The following GALNT18 variants were observed in gnomAD, a reference collection of about 807,000 sequenced individuals.
The protein encoded by GALNT18 is polypeptide N-acetylgalactosaminyltransferase 18.
A neutral mutation model predicts 69.5 loss-of-function variants in GALNT18; 44 were observed. The observed-to-expected ratio is 0.63, with a 90% CI of 0.50 to 0.81. The LOEUF is 0.81. Among genes scored for constraint, GALNT18 ranks in the 40% least tolerant of loss-of-function variants. The probability of loss-of-function intolerance (pLI) is 0.00; values close to 1 mark genes in which losing one functional copy is unlikely to be tolerated. For synonymous variants in GALNT18, 364 were observed against 318.2 expected (o/e 1.14, Z -1.53); for missense variants, 715 against 810.0 (o/e 0.88, Z 1.42).
intron 1 of GALNT18, among the ~76,000 whole-genome samples, chr11:11,561,986 C>T (rs747924799): frequency 5.9e-5 from 9 of 152,352 alleles, no homozygotes; most frequent in Non-Finnish European, 1.2e-4. Context: ...TGTCACACAG[C>T]GAGTGAATGC....
intron 6 of GALNT18, among the ~76,000 whole-genome samples, chr11:11,343,057 T>G (rs902347259): frequency 1.3e-5 from 2 of 152,162 alleles, no homozygotes; most frequent in African/African-American, 4.8e-5. Flanking sequence ...CTAAAGAACG[T>G]CCCTTGCCAG....
At chr11:11,291,367 C>A (rs1329849271) in intron 10 of GALNT18, among the ~76,000 whole-genome samples, 1 of 152,186 alleles carries the variant, frequency 6.6e-6, no homozygotes, top group Non-Finnish European at 1.5e-5. Context: ...GCACCTTGGG[C>A]ATGTTCGTTA....
intron 1 of GALNT18, among the ~76,000 whole-genome samples, chr11:11,547,900 G>A (rs184874986): frequency 1.3e-5 from 2 of 152,048 alleles, no homozygotes; most frequent in Admixed American, 6.5e-5. Context: ...TTCCTGGAAC[G>A]TACCATGCTC....
rs1248713334 is a variant in GALNT18 at position 11,372,615 on chromosome 11, A to G, written c.992T>C (p.Ile331Thr). The G allele has an allele frequency of 1.9e-6, 3 of 1,614,138 alleles. No homozygotes were observed. The highest frequency in any genetic ancestry group is 8.5e-7 in the Non-Finnish European group (1 of 1,180,008). ...STAPIRSPAL[I>T]GCFIVDRQYF... is the part of the protein sequence containing the mutation. ...CTGCCGGTCCACAATGAAGCAGCCA[A>G]TGAGGGCAGGGCTCCTGCAGGGGCA... The change falls in exon 6 of 11, where the codon ATT (isoleucine) becomes ACT (threonine). Residue 331 changes from isoleucine to threonine, a missense_variant. By Grantham distance (89) the Ile-to-Thr change is moderately conservative. Transcript: ENST00000227756. This position sits in a 1 kb window ranked among gnomAD's most constrained non-coding sequence, Gnocchi z 4.9.
intron 3 of GALNT18, among the ~76,000 whole-genome samples, chr11:11,398,736 G>A (rs553115259): frequency 5.8e-4 from 88 of 152,318 alleles, no homozygotes; most frequent in Non-Finnish European, 1.0e-3. Flanking sequence ...CCAGATGGAC[G>A]CATGGGATTT....
In GALNT18 at chr11:11,379,155, C is replaced by T; in HGVS notation, c.705G>A (p.Arg235=). Residue 235 remains arginine (R), a synonymous_variant, in exon 4 of 11, where the codon AGG becomes AGA. Transcript: ENST00000227756. The part of the protein sequence containing the change: ...HSKQEGLIRS[R]VSGWRAATAP... ...CAGTGGCCGCCCTCCAGCCACTGACCCTGGAGCGGATGAGGCCTTCCTGCT... is the reference window on the plus strand; with the variant it reads ...CAGTGGCCGCCCTCCAGCCACTGACTCTGGAGCGGATGAGGCCTTCCTGCT... 1 of 1,612,018 alleles carries T rather than the reference C, an allele frequency of 6.2e-7. No homozygotes were observed. Among genetic ancestry groups the T allele is most frequent in the Non-Finnish European group, 8.5e-7 (1 of 1,180,000 alleles).
chr11:11,284,521 T>C (rs1227065835), intron 10 of GALNT18, among the ~76,000 whole-genome samples: 1 of 152,180 alleles, frequency 6.6e-6, no homozygotes. Context: ...GCTGGTCGCT[T>C]GCATCCTGAG....
At chr11:11,292,644 T>C (rs1178402887) in intron 10 of GALNT18, among the ~76,000 whole-genome samples, 1 of 151,932 alleles carries the variant, frequency 6.6e-6, no homozygotes, top group African/African-American at 2.4e-5. Context: ...AACGTGAAGG[T>C]TTAAAGTCAG....
chr11:11,352,987 AT>A (rs1326347391), intron 6 of GALNT18: 1 of 1,614,052 alleles, frequency 6.2e-7, no homozygotes, highest in East Asian at 2.2e-5. Flanking sequence ...CCTCGGCCTA[AT>A]TTTCGAACCA....
At chr11:11,379,457 T>A (rs1438842645) in intron 3 of GALNT18, among the ~76,000 whole-genome samples, 193 bp from the exon 4 acceptor site, 1 of 152,206 alleles carries the variant, frequency 6.6e-6, no homozygotes, top group Non-Finnish European at 1.5e-5. Context: ...GAGGGGAATA[T>A]TTCCTGTATT....
At chr11:11,405,910 C>T (rs2133746926) in intron 3 of GALNT18, among the ~76,000 whole-genome samples, 1 of 152,336 alleles carries the variant, frequency 6.6e-6, no homozygotes, top group East Asian at 1.9e-4. Context: ...TACTGCTGCA[C>T]TAGTCCTAAT....
intron 9 of GALNT18, among the ~76,000 whole-genome samples, chr11:11,295,139 AG>A (rs1443548051): frequency 3.3e-5 from 5 of 152,214 alleles, no homozygotes; most frequent in African/African-American, 7.2e-5. Context: ...AGGGTGAGTA[AG>A]CGTGGTCCTT....
rs1021826798 is a variant in GALNT18, at chr11:11,494,526, T to C, written c.236-45590A>G. Among the ~76,000 whole-genome samples the C allele has an allele frequency of 1.3e-5, 2 of 152,208 alleles. No homozygotes were observed. Among genetic ancestry groups the C allele is most frequent in the East Asian group, 3.8e-4 (2 of 5,196 alleles). The stretch of plus-strand genomic sequence containing the variant: ...CACAGCACTGACTGCCACCTAGACA[T>C]GACTCAGCCATATGAAAGACCCCTT... On this transcript the variant is annotated intron_variant, in intron 1 of 10. Transcript: ENST00000227756. The surrounding 1 kb of genome is among the most constrained non-coding windows in gnomAD (Gnocchi z 5.7).
Position 11,505,229 on chromosome 11 carries a change from G to T in GALNT18, c.236-56293C>A, listed in dbSNP as rs892806262. ...TGTAGTACACACACTCCAGGCAACTGGTTGTTTATAGCCAGTGTCTGCTAT... is the reference window on the plus strand; with the variant it reads ...TGTAGTACACACACTCCAGGCAACTTGTTGTTTATAGCCAGTGTCTGCTAT... On this transcript the variant is annotated intron_variant, in intron 1 of 10. Coordinates refer to ENST00000227756, the MANE Select transcript of GALNT18 (RefSeq NM_198516.3). This position sits in a 1 kb window ranked among gnomAD's most constrained non-coding sequence, Gnocchi z 4.6. Among the ~76,000 whole-genome samples, 1 of 152,234 alleles carries T rather than the reference G, an allele frequency of 6.6e-6. No individual in the cohort carries two copies. Among genetic ancestry groups the T allele is most frequent in the African/African-American group, 2.4e-5 (1 of 41,462 alleles).
chr11:11,283,895 G>A (rs747514920), intron 10 of GALNT18, among the ~76,000 whole-genome samples: 2 of 152,146 alleles, frequency 1.3e-5, no homozygotes, highest in Non-Finnish European at 2.9e-5. Context: ...TGAATGTGTA[G>A]AATTTTGAAG....
intron 1 of GALNT18, among the ~76,000 whole-genome samples, chr11:11,566,944 T>C (rs1249339777): frequency 2.0e-5 from 3 of 152,174 alleles, no homozygotes; most frequent in Non-Finnish European, 4.4e-5. Flanking sequence ...GAAGGTCATT[T>C]GAATGGGAAA....
At chr11:11,419,619 A>AAAAAAG (rs1554932034) in intron 3 of GALNT18, among the ~76,000 whole-genome samples, 8 of 128,452 alleles carry the variant, frequency 6.2e-5, no homozygotes, top group African/African-American at 8.4e-5. Context: ...AAAAAAAAAA[A>AAAAAAG]AAAGAAAGAA....
intron 1 of GALNT18, among the ~76,000 whole-genome samples, chr11:11,609,835 C>A (rs1284762533): frequency 6.6e-6 from 1 of 152,166 alleles, no homozygotes; most frequent in African/African-American, 2.4e-5. Context: ...ATGGGAAGTT[C>A]CTGGAAGGGC....
At chr11:11,458,132 C>G (rs892215554) in intron 1 of GALNT18, among the ~76,000 whole-genome samples, 10 of 152,218 alleles carry the variant, frequency 6.6e-5, no homozygotes, top group Non-Finnish European at 1.3e-4. Flanking sequence ...TATTCGCTCT[C>G]TTTGGGAAAG....
Sources: gnomAD v4.1 joint callset for allele counts (sites outside exome capture counted in the v4.1 genomes callset) on GRCh38, gnomAD v4.1.1 for gene constraint, Gnocchi (gnomAD v3.1) non-coding constraint, MANE v1.5 for transcripts, NCBI Gene and HGNC (gene_info 2026-07-23, HGNC 2026-07-21) for gene names.